NGLY1: variants seen among roughly 807,000 people sequenced by gnomAD.
NGLY1 encodes peptide-N(4)-(N-acetyl-beta-glucosaminyl)asparagine amidase.
Under a neutral mutation model 84.6 loss-of-function variants are expected in NGLY1, and 68 were observed. That is an observed-to-expected ratio of 0.80 (90% CI 0.66 to 0.98). The LOEUF is 0.98. Among genes scored for constraint, NGLY1 ranks in the 50% least tolerant of loss-of-function variants. The pLI is 0.00. For synonymous variants in NGLY1, 280 were observed against 275.2 expected (o/e 1.02, Z -0.17); for missense variants, 779 against 770.2 (o/e 1.01, Z -0.14).
chr3:25,767,416 T>C (rs375110841), intron 2 of NGLY1, among the ~76,000 whole-genome samples: 3 of 152,180 alleles, frequency 2.0e-5, no homozygotes, highest in African/African-American at 7.2e-5. Flanking sequence ...CACTAAATGC[T>C]GAAAATATCG....
chr3:25,729,077 T>A, intron 10 of NGLY1, 56 bp downstream of exon 10: 1 of 1,160,942 alleles, frequency 8.6e-7, no homozygotes, highest in Non-Finnish European at 1.1e-6. Flanking sequence ...ATGAAGCCAA[T>A]CTATATTTGT....
chr3:25,783,530 AGGG>A, upstream of NGLY1: 1 of 367,684 alleles, frequency 2.7e-6, no homozygotes, highest in Non-Finnish European at 3.7e-6. This position sits in a 1 kb window ranked among gnomAD's most constrained non-coding sequence, Gnocchi z 4.5. Flanking sequence ...CTCGGCCGGC[AGGG>A]GCGGGGTCCT....
chr3:25,731,255 C>A (rs6795021), intron 9 of NGLY1, among the ~76,000 whole-genome samples: 2,016 of 152,024 alleles, frequency 0.013, 44 homozygotes, highest in African/African-American at 0.046. Context: ...AGAGGAAAAA[C>A]GTAAAACAGC....
intron 10 of NGLY1, among the ~76,000 whole-genome samples, chr3:25,721,814 T>C (rs561954830): frequency 2.0e-5 from 3 of 150,982 alleles, no homozygotes; most frequent in East Asian, 2.0e-4. Context: ...CCACCTTGAA[T>C]TGCCAATGCT....
intron 9 of NGLY1, among the ~76,000 whole-genome samples, chr3:25,730,816 CA>C (rs1705500989): frequency 6.6e-6 from 1 of 152,058 alleles, no homozygotes; most frequent in Non-Finnish European, 1.5e-5. Flanking sequence ...TAGATAAATA[CA>C]ACTTTAATTT....
chr3:25,741,130 TAAAAAAAA>T (rs376282084), intron 4 of NGLY1, among the ~76,000 whole-genome samples: 2 of 105,644 alleles, frequency 1.9e-5, no homozygotes, highest in Non-Finnish European at 3.9e-5. Flanking sequence ...TCTGTCTCAT[TAAAAAAAA>T]AAAAAAAAAA....
intron 2 of NGLY1, among the ~76,000 whole-genome samples, chr3:25,775,726 G>T (rs1708127133): frequency 6.6e-6 from 1 of 152,120 alleles, no homozygotes; most frequent in Non-Finnish European, 1.5e-5. Flanking sequence ...GAAAGAGATT[G>T]GTTAATGGGC....
At chr3:25,748,306 A>T (rs1347963181) in intron 4 of NGLY1, among the ~76,000 whole-genome samples, 1 of 152,138 alleles carries the variant, frequency 6.6e-6, no homozygotes, top group African/African-American at 2.4e-5. Flanking sequence ...ATTACAACTA[A>T]ACGAACACCA....
intron 11 of NGLY1, 72 bp downstream of exon 11, chr3:25,719,934 GCTACATCT>G: frequency 8.0e-7 from 1 of 1,254,500 alleles, no homozygotes; most frequent in Non-Finnish European, 1.1e-6. Flanking sequence ...ACGAAAAAGA[GCTACATCT>G]CAAATAAGTA....
upstream of NGLY1, chr3:25,783,508 AGGGGCGGGGTCCTCGG>A: frequency 9.2e-7 from 1 of 1,081,608 alleles, no homozygotes. The surrounding 1 kb of genome is among the most constrained non-coding windows in gnomAD (Gnocchi z 4.5). Flanking sequence ...CTCGGCCGGC[AGGGGCGGGGTCCTCGG>A]CCGGCAGGGG....
rs550399508 is a variant in NGLY1 at position 25,755,275 on chromosome 3, T to C, written c.493-4012A>G. Reference sequence around the variant, plus strand: ...ATGCAGGACCTAGACTCCCACCTGATAGATACTGCTTAACAGCTCCAAACT... The same window carrying C: ...ATGCAGGACCTAGACTCCCACCTGACAGATACTGCTTAACAGCTCCAAACT... On this transcript the variant is annotated intron_variant, in intron 3 of 11. Coordinates refer to ENST00000280700, the MANE Select transcript of NGLY1 (RefSeq NM_018297.4). 1.9e-4 allele frequency: 260 copies of C among 1,370,082 alleles called. 1 individual carries two copies. The African/African-American group carries it at 3.0e-3, about 16-fold the overall frequency. The allele number at this position is 1,370,082 out of a possible 1,614,324, so 84.9% of individuals were successfully genotyped here.
At chr3:25,734,688 G>T in intron 7 of NGLY1, 1 of 683,416 alleles carries the variant, frequency 1.5e-6, no homozygotes, top group Non-Finnish European at 1.8e-6. Context: ...CTCCAGCCTG[G>T]GCAAGAGGGT....
chr3:25,723,630 G>GA (rs914515329), intron 10 of NGLY1, among the ~76,000 whole-genome samples: 27 of 142,730 alleles, frequency 1.9e-4, no homozygotes, highest in East Asian at 4.1e-4. Flanking sequence ...TATTTAAAAG[G>GA]AAAAAAAAAA....
chr3:25,733,984 T>C lies in NGLY1; in HGVS notation c.1150-2A>G, dbSNP rs1705688752. 1.2e-6 allele frequency: 2 copies of C among 1,611,966 alleles called. No homozygotes were observed. The highest frequency in any genetic ancestry group is 1.7e-6 in the Non-Finnish European group (2 of 1,178,364). On this transcript the variant is annotated splice_acceptor_variant, in intron 7 of 11. Coordinates refer to ENST00000280700, the MANE Select transcript of NGLY1 (RefSeq NM_018297.4). LOFTEE classifies it high-confidence loss of function. Reference sequence around the variant, plus strand: ...ATATCGCCAAGTGACATCAACTACCTGAAACAAATAACAGAATACAAATAC... The same window carrying C: ...ATATCGCCAAGTGACATCAACTACCCGAAACAAATAACAGAATACAAATAC...
At chr3:25,759,716 T>C (rs1050398075) in intron 3 of NGLY1, among the ~76,000 whole-genome samples, 2 of 152,200 alleles carry the variant, frequency 1.3e-5, no homozygotes, top group Non-Finnish European at 2.9e-5. Context: ...AGAGTACAAA[T>C]GGAAGTTTAA....
chr3:25,789,734 G>T, intron 1 of NGLY1: 1 of 1,190,624 alleles, frequency 8.4e-7, no homozygotes. Flanking sequence ...TGAAACTGCA[G>T]AGAATTTCCT....
chr3:25,787,500 T>C (rs953644461), upstream of NGLY1, among the ~76,000 whole-genome samples: 1 of 152,206 alleles, frequency 6.6e-6, no homozygotes, highest in Non-Finnish European at 1.5e-5. Flanking sequence ...AAAAGTTTTC[T>C]ATGGCTCCCT....
In NGLY1 at chr3:25,737,453, T is replaced by G. The variant is rs751980667; in HGVS notation, c.884A>C (p.Tyr295Ser). The change falls in exon 6 of 12, where the codon TAT becomes TCT. Residue 295 changes from tyrosine (Y) to serine (S), a missense_variant and splice_region_variant. Physicochemically the swap from Tyr to Ser is moderately radical, Grantham distance 144. Transcript: ENST00000280700. ...TTCCAAAAGTTTCTCAGGGTTATTA[T>G]ATCTGGTTTAAAAAGAAAAAAAACC... The part of the protein sequence containing the change: ...ACQFSNRFPR[Y>S]NNPEKLLETR... 3 of 1,595,728 alleles carry G rather than the reference T, an allele frequency of 1.9e-6. No individual in the cohort carries two copies. The South Asian group carries it at 3.4e-5, about 18-fold the overall frequency.
intron 2 of NGLY1, among the ~76,000 whole-genome samples, chr3:25,765,798 G>A (rs1467651008): frequency 6.6e-6 from 1 of 152,124 alleles, no homozygotes; most frequent in Non-Finnish European, 1.5e-5. Flanking sequence ...GTGCAGTGGA[G>A]TGATCAAAGC....
Sources: gnomAD v4.1 joint callset for allele counts (sites outside exome capture counted in the v4.1 genomes callset) on GRCh38, gnomAD v4.1.1 for gene constraint, Gnocchi (gnomAD v3.1) non-coding constraint, MANE v1.5 for transcripts, NCBI Gene and HGNC (gene_info 2026-07-23, HGNC 2026-07-21) for gene names.